The following GLDC variants were observed in gnomAD, a reference collection of about 807,000 sequenced individuals.
The protein encoded by GLDC is glycine decarboxylase, also known as glycine dehydrogenase (decarboxylating), mitochondrial.
Under a neutral mutation model 121.3 loss-of-function variants are expected in GLDC, and 104 were observed. That is an observed-to-expected ratio of 0.86 (90% confidence interval 0.73 to 1.01). The LOEUF is 1.01. Among genes scored for constraint, GLDC ranks in the 50% least tolerant of loss-of-function variants. The pLI, the probability that GLDC is intolerant of heterozygous loss-of-function variation, is 0.00. For synonymous variants in GLDC, 546 were observed against 480.6 expected, an observed-to-expected ratio of 1.14 and a Z score of -1.78; for missense variants, 1,429 against 1,306.6, an observed-to-expected ratio of 1.09 and a Z score of -1.44.
At chr9:6,597,048 G>T (rs1457798017) in intron 8 of GLDC, among the ~76,000 whole-genome samples, 1 of 152,152 alleles carries the variant, frequency 6.6e-6, no homozygotes, top group East Asian at 1.9e-4. Flanking sequence ...CCATAGAAAA[G>T]AATTAAGTAC....
intron 5 of GLDC, chr9:6,606,170 G>A (rs181459645): frequency 3.0e-5 from 6 of 202,850 alleles, no homozygotes; most frequent in African/African-American, 9.6e-5. Flanking sequence ...TTAGCCAGGC[G>A]TGGTGGCGGG....
intron 2 of GLDC, chr9:6,639,454 A>G (rs980973862): frequency 2.5e-5 from 23 of 910,728 alleles, no homozygotes; most frequent in Middle Eastern, 3.1e-4. Flanking sequence ...GTTAAAGTCA[A>G]CAAGCACCAG....
rs542111029 is a variant in GLDC, at chr9:6,601,997, T to C, written c.1155+112A>G. The C allele has an allele frequency of 1.2e-5, 9 of 739,238 alleles. No individual in the cohort carries two copies. In the African/African-American group the frequency reaches 1.5e-4, roughly 13 times the overall value. 45.8% of individuals were successfully genotyped at this position (739,238 alleles called of 1,614,324 possible). ...ACCAATAAGATCTTGCCATTTCTGG[T>C]GTGCTCACTGCTCAGGAGGTGGTGA... On this transcript the variant is annotated intron_variant, in intron 8 of 24. Coordinates refer to ENST00000321612, the MANE Select transcript of GLDC (RefSeq NM_000170.3).
intron 2 of GLDC, among the ~76,000 whole-genome samples, chr9:6,643,042 C>T (rs1049726018): frequency 3.3e-5 from 5 of 151,924 alleles, no homozygotes; most frequent in African/African-American, 4.8e-5. Flanking sequence ...GGATTACAGG[C>T]GCACACCACC....
Position 6,556,240 on chromosome 9 carries a change from C to T in GLDC, c.2115G>A (p.Val705=), listed in dbSNP as rs765205689. ...IMITYPSTNG[V]FEENISDVCD... The stretch of plus-strand genomic sequence containing the variant: ...ACACGTCACTGATGTTCTCTTCAAA[C>T]ACCCCATTGGTGGATGGGTATGTAA... Residue 705 remains valine (V), a synonymous_variant, in exon 18 of 25, where the codon GTG becomes GTA. Coordinates refer to ENST00000321612, the MANE Select transcript of GLDC (RefSeq NM_000170.3). The T allele has an allele frequency of 5.0e-6, 8 of 1,610,994 alleles. No individual in the cohort carries two copies. The South Asian group carries it at 5.5e-5, about 11-fold the overall frequency.
At chr9:6,559,510 C>T (rs752740228) in intron 16 of GLDC, among the ~76,000 whole-genome samples, 3 of 90,940 alleles carry the variant, frequency 3.3e-5, no homozygotes, top group African/African-American at 4.6e-5. Flanking sequence ...AGTGAAACTC[C>T]GTATTTAAAA....
chr9:6,571,038 TTGTACAAAA>T (rs1218017256), intron 15 of GLDC, among the ~76,000 whole-genome samples: 1 of 152,052 alleles, frequency 6.6e-6, no homozygotes, highest in Non-Finnish European at 1.5e-5. Context: ...ATACAGCCCT[TTGTACAAAA>T]TGTAACATTT....
intron 15 of GLDC, among the ~76,000 whole-genome samples, chr9:6,576,202 A>G (rs1032429767): frequency 2.6e-5 from 4 of 152,148 alleles, no homozygotes; most frequent in Non-Finnish European, 5.9e-5. Flanking sequence ...ACAGAAAGCT[A>G]TTTCCCATTG....
At chr9:6,555,574 G>A in intron 18 of GLDC, among the ~76,000 whole-genome samples, 1 of 151,966 alleles carries the variant, frequency 6.6e-6, no homozygotes, top group East Asian at 1.9e-4. Flanking sequence ...TTCAAGACCA[G>A]CCTGGGCAAC....
At chr9:6,554,606 A>G in intron 19 of GLDC, 63 bp downstream of exon 19, 3 of 1,106,020 alleles carry the variant, frequency 2.7e-6, no homozygotes, top group Non-Finnish European at 4.1e-6. Context: ...TGAGTAGTCT[A>G]TTTAGGGCCA....
At chr9:6,588,861 C>A (rs187438496) in intron 12 of GLDC, among the ~76,000 whole-genome samples, 159 bp from the exon 13 acceptor site, 2 of 152,138 alleles carry the variant, frequency 1.3e-5, no homozygotes, top group South Asian at 2.1e-4. Flanking sequence ...GGGCACAGAC[C>A]CCCACAAACC....
At chr9:6,578,721 T>TGA (rs1818120485) in intron 15 of GLDC, among the ~76,000 whole-genome samples, 1 of 151,866 alleles carries the variant, frequency 6.6e-6, no homozygotes, top group Non-Finnish European at 1.5e-5. Context: ...TTTGGAGAGA[T>TGA]GAGGTCTTGC....
At chr9:6,614,041 T>C (rs149528835) in intron 3 of GLDC, among the ~76,000 whole-genome samples, 1,673 of 151,786 alleles carry the variant, frequency 0.011, 31 homozygotes, top group African/African-American at 0.038. Context: ...CCTCCCAAAG[T>C]GCTGGGATTA....
At position 6,634,385 on chromosome 9, in the gene GLDC, C is replaced by T. The variant is rs1454023494; in HGVS notation, c.334+10229G>A. Among the ~76,000 whole-genome samples the T allele has an allele frequency of 1.1e-4, 17 of 151,874 alleles. No homozygotes were observed. In the East Asian group the frequency reaches 1.4e-3, roughly 12 times the overall value. ...CTCTACAAAAAATACAAAATGTAGCCGGGCATGGTAGCTCACGCCAGCAGT... is the reference window on the plus strand; with the variant it reads ...CTCTACAAAAAATACAAAATGTAGCTGGGCATGGTAGCTCACGCCAGCAGT... On this transcript the variant is annotated intron_variant, in intron 2 of 24. Coordinates refer to ENST00000321612, the MANE Select transcript of GLDC (RefSeq NM_000170.3).
At position 6,645,514 on chromosome 9, in the gene GLDC, TC is replaced by T; in HGVS notation, c.-16del. ...CAGGACTGCATGGCCGCGGCCACCG[TC>T]CCCTGCCCCGGCCCGCAAGGGTCAG... is the stretch of plus-strand genomic sequence containing the variant. On this transcript the variant is annotated 5_prime_UTR_variant, in exon 1 of 25. Coordinates refer to ENST00000321612, the MANE Select transcript of GLDC (RefSeq NM_000170.3). 3.8e-6 allele frequency: 5 copies of T among 1,312,828 alleles called. No homozygotes were observed. The highest frequency in any genetic ancestry group is 3.9e-5 in the South Asian group (2 of 51,606). The allele number at this position is 1,312,828 out of a possible 1,614,324, so 81.3% of individuals were successfully genotyped here. A position where few individuals can be genotyped will look rare whatever the true frequency, so the allele number is the denominator to read the frequency against.
chr9:6,542,720 T>C (rs756866850), intron 21 of GLDC, among the ~76,000 whole-genome samples: 1 of 147,998 alleles, frequency 6.8e-6, no homozygotes, highest in Non-Finnish European at 1.5e-5. Flanking sequence ...AGCTTGTTTC[T>C]ACAAAAAAAC....
At chr9:6,631,344 G>T (rs183291754) in intron 2 of GLDC, among the ~76,000 whole-genome samples, 8 of 152,294 alleles carry the variant, frequency 5.3e-5, no homozygotes, top group African/African-American at 1.9e-4. Flanking sequence ...AGTCTCTGCA[G>T]CTCTTCCTGA....
intron 15 of GLDC, among the ~76,000 whole-genome samples, chr9:6,586,576 T>C (rs1282334260): frequency 1.3e-5 from 2 of 152,314 alleles, no homozygotes; most frequent in Middle Eastern, 3.4e-3. Context: ...GAGACACTTG[T>C]TGGAATTCAG....
intron 2 of GLDC, among the ~76,000 whole-genome samples, chr9:6,631,641 G>T (rs1819378842): frequency 6.6e-6 from 1 of 152,202 alleles, no homozygotes; most frequent in Non-Finnish European, 1.5e-5. Context: ...CAGAGGATTT[G>T]TTTTCCCTCT....
Sources: allele counts gnomAD v4.1 joint callset (sites outside exome capture counted in the v4.1 genomes callset), GRCh38; gene constraint gnomAD v4.1.1; transcripts MANE v1.5; gene names NCBI Gene and HGNC (gene_info 2026-07-23, HGNC 2026-07-21).